STRBP: variants seen among roughly 807,000 people sequenced by gnomAD.
STRBP encodes spermatid perinuclear RNA-binding protein.
Under a neutral mutation model 80.1 loss-of-function variants are expected in STRBP, and 13 were observed. That is an observed-to-expected ratio of 0.16 (90% CI 0.11 to 0.26). The LOEUF (loss-of-function observed/expected upper bound fraction) is 0.26. Ranked by LOEUF, STRBP falls within the 10% of genes least tolerant of loss-of-function variation. STRBP has a pLI of 1.00. For missense variants in STRBP, 485 were observed against 815.2 expected (o/e 0.59, Z 4.93); for synonymous variants, 284 against 291.2 (o/e 0.98, Z 0.25).
At chr9:123,127,455 C>T (rs2035942560) in intron 18 of STRBP, among the ~76,000 whole-genome samples, 1 of 152,204 alleles carries the variant, frequency 6.6e-6, no homozygotes, top group Non-Finnish European at 1.5e-5. Context: ...CTGCAGATGG[C>T]TGATTCTATA....
chr9:123,223,536 C>A (rs1243186479), intron 2 of STRBP, among the ~76,000 whole-genome samples: 1 of 152,022 alleles, frequency 6.6e-6, no homozygotes, highest in Non-Finnish European at 1.5e-5. Flanking sequence ...TAAAGAAATA[C>A]ATTAGTTTTT....
At chr9:123,146,391 A>G (rs1334854134) in intron 13 of STRBP, among the ~76,000 whole-genome samples, 8 of 151,986 alleles carry the variant, frequency 5.3e-5, no homozygotes, top group Admixed American at 5.2e-4. Flanking sequence ...GAGAATGTTT[A>G]AACAAATAGT....
intron 1 of STRBP, among the ~76,000 whole-genome samples, chr9:123,250,446 C>A (rs571123594): frequency 6.6e-6 from 1 of 152,120 alleles, no homozygotes; most frequent in East Asian, 1.9e-4. Flanking sequence ...TCAACAGATA[C>A]AACTCACATA....
At chr9:123,158,561 T>A in intron 9 of STRBP, 132 bp from the exon 10 acceptor site, 1 of 740,320 alleles carries the variant, frequency 1.4e-6, no homozygotes, top group Admixed American at 2.8e-5. Flanking sequence ...GTTAAAAGTC[T>A]GCTCAGTTAA....
chr9:123,118,206 A>G (rs543735183), downstream of STRBP, among the ~76,000 whole-genome samples: 6 of 152,206 alleles, frequency 3.9e-5, no homozygotes, highest in Non-Finnish European at 8.8e-5. Flanking sequence ...AGGTAGCTGG[A>G]GAATTCAGAA....
At chr9:123,226,928 T>TGAG (rs1248322647) in intron 2 of STRBP, among the ~76,000 whole-genome samples, 2 of 152,206 alleles carry the variant, frequency 1.3e-5, no homozygotes, top group Non-Finnish European at 2.9e-5. Flanking sequence ...CCACATCTGG[T>TGAG]GAGAGCTTTC....
intron 2 of STRBP, among the ~76,000 whole-genome samples, chr9:123,219,761 A>C (rs750408532): frequency 6.6e-6 from 1 of 152,206 alleles, no homozygotes; most frequent in East Asian, 1.9e-4. Flanking sequence ...CAGAGTTTTT[A>C]TTCTCATCTG....
intron 1 of STRBP, among the ~76,000 whole-genome samples, chr9:123,258,669 T>G (rs557000632): frequency 7.2e-5 from 11 of 152,118 alleles, no homozygotes; most frequent in African/African-American, 2.7e-4. Context: ...CCAGGCATGG[T>G]GGCGGGCGCC....
At chr9:123,135,861 A>T (rs2036332327) in intron 16 of STRBP, 180 bp downstream of exon 16, 1 of 629,952 alleles carries the variant, frequency 1.6e-6, no homozygotes, top group African/African-American at 1.8e-5. Flanking sequence ...GAAAGTCCAT[A>T]GAACATGAAA....
intron 6 of STRBP, among the ~76,000 whole-genome samples, chr9:123,167,254 A>G (rs956234422): frequency 2.0e-5 from 3 of 152,114 alleles, no homozygotes; most frequent in Admixed American, 1.3e-4. Context: ...ACTACAGGAA[A>G]ATGTCTCCAA....
rs2035633184 is a variant in STRBP, at chr9:123,115,630, T to C, written c.*84+299A>G. 2.9e-6 allele frequency: 1 copy of C among 339,114 alleles called. No individual in the cohort carries two copies. The highest frequency in any genetic ancestry group is 7.7e-5 in the East Asian group (1 of 12,962). The allele number at this position is 339,114 out of a possible 1,614,324, so 21.0% of individuals were successfully genotyped here. Reference sequence around the variant, plus strand: ...GCAGTAGGTGACAGTGAATGGTTTTTCTCAATAAATCTACGTGCCCAAGAA... The same window carrying C: ...GCAGTAGGTGACAGTGAATGGTTTTCCTCAATAAATCTACGTGCCCAAGAA... On this transcript the variant is annotated intron_variant and NMD_transcript_variant, in intron 3 of 3. Transcript: ENST00000471564. The surrounding 1 kb of genome is among the most constrained non-coding windows in gnomAD (Gnocchi z 5.0).
At chr9:123,237,307 G>C (rs1195085988) in intron 1 of STRBP, among the ~76,000 whole-genome samples, 1 of 152,098 alleles carries the variant, frequency 6.6e-6, no homozygotes, top group Non-Finnish European at 1.5e-5. Context: ...GTTGTAGCTA[G>C]GACAAGGCTC....
At chr9:123,240,986 C>A (rs2040682000) in intron 1 of STRBP, among the ~76,000 whole-genome samples, 1 of 151,988 alleles carries the variant, frequency 6.6e-6, no homozygotes, top group African/African-American at 2.4e-5. Flanking sequence ...TCATGACCAG[C>A]CTGACCAACA....
At chr9:123,245,754 G>A (rs2040788622) in intron 1 of STRBP, among the ~76,000 whole-genome samples, 1 of 152,156 alleles carries the variant, frequency 6.6e-6, no homozygotes, top group Non-Finnish European at 1.5e-5. Context: ...GTATCCTCCA[G>A]AGCTAGAGAG....
intron 1 of STRBP, among the ~76,000 whole-genome samples, chr9:123,241,195 A>G (rs2040687459): frequency 1.4e-5 from 2 of 145,504 alleles, no homozygotes; most frequent in South Asian, 4.2e-4. Context: ...AAAAAAAAAA[A>G]CAAAGTGATT....
At chr9:123,170,183 C>G in intron 5 of STRBP, 137 bp from the exon 6 acceptor site, 1 of 743,890 alleles carries the variant, frequency 1.3e-6, no homozygotes, top group Non-Finnish European at 2.0e-6. Flanking sequence ...AAGCCTGTAA[C>G]TAGTTCTTTA....
chr9:123,198,711 G>C (rs1337027926), intron 2 of STRBP, among the ~76,000 whole-genome samples: 1 of 152,074 alleles, frequency 6.6e-6, no homozygotes, highest in Non-Finnish European at 1.5e-5. Flanking sequence ...TTACCTTCTA[G>C]AATTTTTATT....
At chr9:123,155,174 C>T (rs956848765) in intron 11 of STRBP, among the ~76,000 whole-genome samples, 108 of 152,112 alleles carry the variant, frequency 7.1e-4, no homozygotes, top group African/African-American at 2.5e-3. Flanking sequence ...AGAACATATA[C>T]AAGTTATCTC....
chr9:123,239,081 T>C (rs1356427192), intron 1 of STRBP, among the ~76,000 whole-genome samples: 1 of 152,160 alleles, frequency 6.6e-6, no homozygotes, highest in Non-Finnish European at 1.5e-5. Context: ...ATCTTCTTAA[T>C]ATGGAATGCC....
Sources: allele counts gnomAD v4.1 joint callset (sites outside exome capture counted in the v4.1 genomes callset), GRCh38; gene constraint gnomAD v4.1.1; non-coding constraint Gnocchi (gnomAD v3.1); transcripts MANE v1.5; gene names NCBI Gene and HGNC (gene_info 2026-07-23, HGNC 2026-07-21).